Variants in MYH11 observed in about 807,000 individuals in gnomAD.
MYH11 encodes the protein myosin-11.
In MYH11, 80 loss-of-function variants were observed where a neutral mutation model predicts 246.6. That is an observed-to-expected ratio of 0.32 (90% CI 0.27 to 0.39). The LOEUF (loss-of-function observed/expected upper bound fraction) is 0.39, where lower values mean the gene tolerates loss of function less well. Among genes scored for constraint, MYH11 ranks in the 10% least tolerant of loss-of-function variants. MYH11 has a pLI of 1.00. For missense variants in MYH11, 2,158 were observed against 2,546.8 expected (o/e 0.85, Z 3.29); for synonymous variants, 1,071 against 1,015.5 (o/e 1.05, Z -1.04).
At chr16:15,789,019 T>A (rs2042549225) in intron 4 of MYH11, among the ~76,000 whole-genome samples, 1 of 152,046 alleles carries the variant, frequency 6.6e-6, no homozygotes, top group Non-Finnish European at 1.5e-5. Context: ...TGGGGGGATA[T>A]AGGGGGAAGG....
chr16:15,746,153 T>C (rs1189990199), intron 19 of MYH11, among the ~76,000 whole-genome samples: 1 of 151,684 alleles, frequency 6.6e-6, no homozygotes, highest in Non-Finnish European at 1.5e-5. Context: ...CTCAAACTCC[T>C]GGGCTCAAGC....
At chr16:15,707,988 C>A (rs1322148864) in intron 40 of MYH11, among the ~76,000 whole-genome samples, 2 of 150,142 alleles carry the variant, frequency 1.3e-5, no homozygotes, top group African/African-American at 4.9e-5. Context: ...AAGCAAAATC[C>A]CAGAGCAGCA....
chr16:15,845,298 A>AT (rs11436822), intron 1 of MYH11, among the ~76,000 whole-genome samples: 101,251 of 140,048 alleles, frequency 0.72, 38,200 homozygotes, highest in Non-Finnish European at 0.84. Flanking sequence ...TTTTTTCGCG[A>AT]TTTTTTTTTT....
intron 26 of MYH11, among the ~76,000 whole-genome samples, chr16:15,735,150 GC>G (rs71375051): frequency 6.9e-6 from 1 of 145,474 alleles, no homozygotes; most frequent in African/African-American, 2.6e-5. Flanking sequence ...CTGCACTCCA[GC>G]CTAGGCAACA....
At chr16:15,720,361 C>A (rs1308064430) in intron 33 of MYH11, 49 bp from the exon 34 acceptor site, 2 of 1,586,918 alleles carry the variant, frequency 1.3e-6, no homozygotes, top group East Asian at 4.6e-5. Context: ...CCTGGGAGGT[C>A]CTTTGGCTCA....
chr16:15,836,126 T>A (rs1426599628), intron 2 of MYH11, among the ~76,000 whole-genome samples: 1 of 152,082 alleles, frequency 6.6e-6, no homozygotes, highest in African/African-American at 2.4e-5. Flanking sequence ...GGTAACCTGC[T>A]CGAGGGTGAG....
intron 1 of MYH11, among the ~76,000 whole-genome samples, chr16:15,845,479 T>A (rs1030821356): frequency 6.6e-6 from 1 of 152,176 alleles, no homozygotes; most frequent in African/African-American, 2.4e-5. Flanking sequence ...TCTAAGCCAC[T>A]TCGCTCATTC....
chr16:15,831,186 A>G (rs980990311), intron 2 of MYH11, among the ~76,000 whole-genome samples: 10 of 152,098 alleles, frequency 6.6e-5, no homozygotes, highest in Non-Finnish European at 1.0e-4. Context: ...AATAATATAA[A>G]TAAATAAATA....
Position 15,737,378 on chromosome 16 carries a change from G to A in MYH11, c.3293+71C>T, listed in dbSNP as rs755536720. The A allele has an allele frequency of 1.5e-4, 234 of 1,591,830 alleles. No individual in the cohort carries two copies. The Middle Eastern group carries it at 1.5e-3, about 11-fold the overall frequency. On this transcript the variant is annotated intron_variant, in intron 25 of 40. Coordinates refer to ENST00000300036, the MANE Select transcript of MYH11 (RefSeq NM_002474.3). ...CCGCCTTGACCAAGACAGCCACTGCGAATGAGCGAATGAGCAGGGGCCCAG... is the reference window on the plus strand; with the variant it reads ...CCGCCTTGACCAAGACAGCCACTGCAAATGAGCGAATGAGCAGGGGCCCAG...
chr16:15,724,282 T>C lies in MYH11; in HGVS notation c.4244A>G (p.Tyr1415Cys). ...TQQYEEKAAA[Y>C]DKLEKTKNRL... ...GTTCTTGGTCTTTTCCAGTTTATCA[T>C]AAGCGGCCGCCTTCTCCTCGTACTG... The change falls in exon 31 of 41, where the codon TAT (tyrosine) becomes TGT (cysteine). Residue 1415 changes from tyrosine (Y) to cysteine (C), a missense_variant. Tyr to Cys is a radical substitution (Grantham distance 194). Coordinates refer to ENST00000300036, the MANE Select transcript of MYH11 (RefSeq NM_002474.3). 9 of 1,614,176 alleles carry C rather than the reference T, an allele frequency of 5.6e-6. No homozygotes were observed. Among genetic ancestry groups the C allele is most frequent in the Non-Finnish European group, 7.6e-6 (9 of 1,180,028 alleles).
chr16:15,748,218 G>A (rs372497150), intron 16 of MYH11, 50 bp from the exon 17 acceptor site: 12 of 1,609,446 alleles, frequency 7.5e-6, no homozygotes, highest in South Asian at 6.6e-5. Flanking sequence ...AAACCATGGC[G>A]CAGCAAAGCC....
At chr16:15,849,689 C>T (rs1372553357) in intron 1 of MYH11, among the ~76,000 whole-genome samples, 2 of 152,070 alleles carry the variant, frequency 1.3e-5, no homozygotes, top group African/African-American at 4.8e-5. Flanking sequence ...TGAGCTCAAG[C>T]GATCTGCCTG....
intron 40 of MYH11, chr16:15,714,515 G>T: frequency 2.9e-6 from 1 of 341,830 alleles, no homozygotes; most frequent in South Asian, 3.1e-5. Flanking sequence ...GGGGAGAAAG[G>T]AGGAGCAGAG....
rs536015027 is a variant in MYH11 at position 15,750,053 on chromosome 16, G to C, written c.2058+85C>G. Reference sequence around the variant, plus strand: ...AAAATGGGGTCCTCGGGGTAGGTGGGGGCAGAGGGCGCCCTGGGGACGCTG... The same window carrying C: ...AAAATGGGGTCCTCGGGGTAGGTGGCGGCAGAGGGCGCCCTGGGGACGCTG... On this transcript the variant is annotated intron_variant, in intron 16 of 40. Transcript: ENST00000300036. This position sits in a 1 kb window ranked among gnomAD's most constrained non-coding sequence, Gnocchi z 4.3. 6.5e-7 allele frequency: 1 copy of C among 1,542,098 alleles called. No individual in the cohort carries two copies. Among genetic ancestry groups the C allele is most frequent in the African/African-American group, 1.4e-5 (1 of 73,630 alleles).
intron 1 of MYH11, among the ~76,000 whole-genome samples, chr16:15,842,539 G>T (rs1217955754): frequency 6.6e-6 from 1 of 151,848 alleles, no homozygotes; most frequent in Non-Finnish European, 1.5e-5. Context: ...GAGGTAGGAG[G>T]ATTGCTTGAG....
intron 9 of MYH11, among the ~76,000 whole-genome samples, chr16:15,765,931 G>A (rs1314472286): frequency 5.3e-5 from 8 of 152,142 alleles, no homozygotes; most frequent in Non-Finnish European, 7.3e-5. Flanking sequence ...CAGGCGAGCC[G>A]GCCAACTCAG....
At chr16:15,833,962 G>T (rs932822741) in intron 2 of MYH11, among the ~76,000 whole-genome samples, 15 of 152,182 alleles carry the variant, frequency 9.9e-5, no homozygotes, top group African/African-American at 3.4e-4. Context: ...AGGCTGAAAG[G>T]ATTTTAATCT....
intron 37 of MYH11, 89 bp from the exon 38 acceptor site, chr16:15,717,437 T>A: frequency 7.4e-7 from 1 of 1,353,814 alleles, no homozygotes. Flanking sequence ...TTGTTTGGCC[T>A]CTGCACGAGT....
At chr16:15,752,043 C>T (rs765045199) in intron 15 of MYH11, among the ~76,000 whole-genome samples, 4 of 151,966 alleles carry the variant, frequency 2.6e-5, no homozygotes, top group Non-Finnish European at 4.4e-5. Flanking sequence ...CCTCCTGCCT[C>T]AGCCTCCCAA....
Sources: allele counts gnomAD v4.1 joint callset (sites outside exome capture counted in the v4.1 genomes callset), GRCh38; gene constraint gnomAD v4.1.1; non-coding constraint Gnocchi (gnomAD v3.1); transcripts MANE v1.5; gene names NCBI Gene and HGNC (gene_info 2026-07-23, HGNC 2026-07-21).